The following COPB2 variants were observed in gnomAD, a reference collection of about 807,000 sequenced individuals.
The protein encoded by COPB2 is coat protein complex I subunit beta 2, also known as coatomer subunit beta'.
In COPB2, 16 loss-of-function variants were observed where a neutral mutation model predicts 120.8. The observed-to-expected ratio is 0.13, with a 90% CI of 0.09 to 0.20. The LOEUF (loss-of-function observed/expected upper bound fraction) is 0.20. Among genes scored for constraint, COPB2 ranks in the 10% least tolerant of loss-of-function variants. The pLI, the probability that COPB2 is intolerant of heterozygous loss-of-function variation, is 1.00. For missense variants in COPB2, 794 were observed against 1,076.5 expected, an observed-to-expected ratio of 0.74 and a Z score of 3.67; for synonymous variants, 332 against 366.3, an observed-to-expected ratio of 0.91 and a Z score of 1.07.
chr3:139,358,293 T>C (rs755128946), intron 20 of COPB2, 22 bp from the exon 21 acceptor site: 9 of 1,598,330 alleles, frequency 5.6e-6, no homozygotes, highest in East Asian at 4.5e-5. Context: ...AGTGAAGATA[T>C]ATATGAAGAC....
At chr3:139,369,215 T>C in intron 12 of COPB2, 46 bp downstream of exon 12, 2 of 1,506,172 alleles carry the variant, frequency 1.3e-6, no homozygotes, top group Non-Finnish European at 1.8e-6. Context: ...CCAGAACTCA[T>C]CACAAAAATA....
rs755693224 is a variant in COPB2, at chr3:139,357,897, T to C, written c.2687A>G (p.Asp896Gly). 6.3e-6 allele frequency: 10 copies of C among 1,597,036 alleles called. No individual in the cohort carries two copies. In the East Asian group the frequency reaches 8.9e-5, roughly 14 times the overall value. ...NLELEDIDTT[D>G]INLDEDILDD ...CAAAATATCTTCATCCAGATTGATA[T>C]CTGTTGTGTCAATATCTTCTAATTC... Residue 896 changes from aspartate (D) to glycine (G), a missense_variant, in exon 22 of 22, where the codon GAT (aspartate) becomes GGT (glycine). By Grantham distance (94) the Asp-to-Gly change is moderately conservative (BLOSUM62 -1). Around this residue, in one of 3 missense-constraint regions of COPB2, gnomAD observed 178 missense variants for 183.2 expected, o/e 0.97. Transcript: ENST00000333188.
intron 5 of COPB2, 106 bp downstream of exon 5, chr3:139,377,935 G>A: frequency 4.4e-6 from 5 of 1,133,254 alleles, no homozygotes; most frequent in East Asian, 2.8e-5. Context: ...AGGCTTTTGA[G>A]GAAAATTTTT....
At chr3:139,368,585 CTTTTTTATT>C (rs1941565818) in intron 12 of COPB2, among the ~76,000 whole-genome samples, 1 of 152,036 alleles carries the variant, frequency 6.6e-6, no homozygotes, top group Non-Finnish European at 1.5e-5. Context: ...TGTTTATCAC[CTTTTTTATT>C]TTTTTCATTT....
At position 139,371,709 on chromosome 3, in the gene COPB2, C is replaced by T. The variant is rs771092999; in HGVS notation, c.1205+14G>A. On this transcript the variant is annotated intron_variant, in intron 10 of 21. Transcript: ENST00000333188. Reference sequence around the variant, plus strand: ...CAATCAGGGCATGCTGGCTATCATACAATCAAAACTTACTCTGAAGAATCG... The same window carrying T: ...CAATCAGGGCATGCTGGCTATCATATAATCAAAACTTACTCTGAAGAATCG... 1 of 1,608,802 alleles carries T rather than the reference C, an allele frequency of 6.2e-7. No individual in the cohort carries two copies. The highest frequency in any genetic ancestry group is 1.3e-5 in the African/African-American group (1 of 74,790).
At chr3:139,367,281 A>T (rs1055536843) in intron 13 of COPB2, 136 bp from the exon 14 acceptor site, 26 of 1,106,082 alleles carry the variant, frequency 2.4e-5, no homozygotes, top group Non-Finnish European at 2.8e-5. Flanking sequence ...GAAAAAAAAA[A>T]TTTTCCTTGG....
chr3:139,370,001 A>C (rs1218881632), intron 10 of COPB2, among the ~76,000 whole-genome samples: 1 of 152,210 alleles, frequency 6.6e-6, no homozygotes, highest in Non-Finnish European at 1.5e-5. Flanking sequence ...AGACAACTCT[A>C]ATCTATATAG....
At chr3:139,360,080 G>A (rs948995433) in intron 17 of COPB2, among the ~76,000 whole-genome samples, 9 of 151,616 alleles carry the variant, frequency 5.9e-5, no homozygotes, top group Non-Finnish European at 1.0e-4. Flanking sequence ...TTGGATTTTT[G>A]AATTATGGAT....
intron 15 of COPB2, among the ~76,000 whole-genome samples, chr3:139,364,841 A>C (rs1458913442): frequency 6.6e-6 from 1 of 152,224 alleles, no homozygotes; most frequent in Non-Finnish European, 1.5e-5. Flanking sequence ...ATGAGGGCCC[A>C]AGGACATCAG....
At chr3:139,358,930 T>C (rs900758956) in intron 19 of COPB2, 68 bp downstream of exon 19, 39 of 1,585,084 alleles carry the variant, frequency 2.5e-5, no homozygotes, top group Middle Eastern at 1.7e-4. Flanking sequence ...CAGTTCAAAA[T>C]CTGAAGTCCT....
intron 10 of COPB2, among the ~76,000 whole-genome samples, chr3:139,369,837 C>T (rs1243163633): frequency 6.6e-6 from 1 of 152,124 alleles, no homozygotes; most frequent in Non-Finnish European, 1.5e-5. Flanking sequence ...AACAAATTAT[C>T]GTATATTCAT....
intron 20 of COPB2, 46 bp from the exon 21 acceptor site, chr3:139,358,317 C>T (rs371359425): frequency 1.9e-5 from 29 of 1,528,648 alleles, no homozygotes; most frequent in Middle Eastern, 1.7e-4. Flanking sequence ...GGAATTTACT[C>T]GGGAATTTAA....
chr3:139,379,830 C>A (rs1165263891), intron 2 of COPB2: 4 of 228,150 alleles, frequency 1.8e-5, no homozygotes, highest in Non-Finnish European at 8.7e-6. Context: ...ACTTCCCTTT[C>A]ATAATGTAGC....
intron 1 of COPB2, among the ~76,000 whole-genome samples, chr3:139,385,934 T>C (rs1207129976): frequency 1.3e-5 from 2 of 152,228 alleles, no homozygotes; most frequent in African/African-American, 2.4e-5. Context: ...TGAGTTACTG[T>C]CAAATCTTTA....
At chr3:139,366,501 C>T (rs993520717) in intron 15 of COPB2, 67 bp downstream of exon 15, 5 of 1,419,926 alleles carry the variant, frequency 3.5e-6, no homozygotes, top group Non-Finnish European at 4.8e-6. Context: ...AGTTTTTCAA[C>T]TCCATAATAA....
intron 10 of COPB2, among the ~76,000 whole-genome samples, chr3:139,370,869 A>T (rs1941611895): frequency 6.6e-6 from 1 of 152,244 alleles, no homozygotes; most frequent in Non-Finnish European, 1.5e-5. Context: ...ATAGAACTGT[A>T]TGTATATGTG....
At position 139,358,978 on chromosome 3, in the gene COPB2, T is replaced by C. The variant is rs758988261; in HGVS notation, c.2484+20A>G. The C allele has an allele frequency of 1.2e-5, 20 of 1,607,268 alleles. No individual in the cohort carries two copies. Among genetic ancestry groups the C allele is most frequent in the Non-Finnish European group, 1.6e-5 (19 of 1,177,388 alleles). On this transcript the variant is annotated intron_variant, in intron 19 of 21. Coordinates refer to ENST00000333188, the MANE Select transcript of COPB2 (RefSeq NM_004766.3). ...ACCCTGTAGTTACAATAAATGAAGC[T>C]TGACATCCTGGCCACTCACCGTGAC...
chr3:139,367,690 AGTATTT>A (rs1158423231), intron 13 of COPB2, among the ~76,000 whole-genome samples: 15 of 152,204 alleles, frequency 9.9e-5, no homozygotes. Flanking sequence ...TTCCTAGATT[AGTATTT>A]GTAATGTGAA....
chr3:139,359,446 C>A, intron 17 of COPB2, 84 bp from the exon 18 acceptor site: 1 of 1,305,606 alleles, frequency 7.7e-7, no homozygotes, highest in Non-Finnish European at 1.1e-6. Flanking sequence ...TTTAGTGTTA[C>A]AAAGCCAAAA....
Sources: gnomAD v4.1 joint callset for allele counts (sites outside exome capture counted in the v4.1 genomes callset) on GRCh38, gnomAD v4.1.1 for gene constraint, gnomAD v4.1.1 regional missense constraint, MANE v1.5 for transcripts, NCBI Gene and HGNC (gene_info 2026-07-23, HGNC 2026-07-21) for gene names.